DNAH9: variants seen among roughly 807,000 people sequenced by gnomAD.
The protein encoded by DNAH9 is DNAH9 variant protein.
A neutral mutation model predicts 471.6 loss-of-function variants in DNAH9; 345 were observed. That is an observed-to-expected ratio of 0.73 (90% confidence interval 0.67 to 0.80). The LOEUF is 0.80. Among genes scored for constraint, DNAH9 ranks in the 30% least tolerant of loss-of-function variants. DNAH9 has a pLI of 0.00. For synonymous variants in DNAH9, 2,093 were observed against 2,123.6 expected, an observed-to-expected ratio of 0.99 and a Z score of 0.40; for missense variants, 5,407 against 5,609.2, an observed-to-expected ratio of 0.96 and a Z score of 1.15.
chr17:11,808,267 G>A (rs534087370), intron 44 of DNAH9, among the ~76,000 whole-genome samples: 4 of 152,132 alleles, frequency 2.6e-5, no homozygotes, highest in South Asian at 2.1e-4. Flanking sequence ...TTTAAAAGAC[G>A]GGTCAGTAAC....
chr17:11,730,443 G>A (rs1367870804), intron 28 of DNAH9, among the ~76,000 whole-genome samples: 10 of 152,246 alleles, frequency 6.6e-5, no homozygotes, highest in East Asian at 3.9e-4. Flanking sequence ...AAGAGAGACC[G>A]GACATCCAGA....
At chr17:11,957,616 CAA>C (rs1216026512) in intron 67 of DNAH9, among the ~76,000 whole-genome samples, 1 of 100,430 alleles carries the variant, frequency 1.0e-5, no homozygotes, top group African/African-American at 3.1e-5. Flanking sequence ...TGGATGCAGA[CAA>C]AACAACAACA....
intron 1 of DNAH9, among the ~76,000 whole-genome samples, chr17:11,603,959 C>T (rs906006068): frequency 3.3e-5 from 5 of 152,100 alleles, no homozygotes; most frequent in East Asian, 1.9e-4. Flanking sequence ...CTCCAGGAAC[C>T]AGTCTTCTGG....
At chr17:11,903,156 T>C (rs1166790628) in intron 60 of DNAH9, among the ~76,000 whole-genome samples, 2 of 152,028 alleles carry the variant, frequency 1.3e-5, no homozygotes, top group Admixed American at 1.3e-4. Flanking sequence ...CTGGCCAAGA[T>C]GGTGAAACCC....
intron 66 of DNAH9, among the ~76,000 whole-genome samples, chr17:11,939,432 A>G (rs1035821620): frequency 1.3e-5 from 2 of 152,188 alleles, no homozygotes; most frequent in Non-Finnish European, 2.9e-5. Context: ...TATTTCAGAA[A>G]TGATATGAAC....
chr17:11,842,507 T>C (rs1355283877), intron 49 of DNAH9, among the ~76,000 whole-genome samples: 2 of 152,156 alleles, frequency 1.3e-5, no homozygotes, highest in Non-Finnish European at 2.9e-5. Context: ...ATCTGCAAGC[T>C]GGGGATCAAG....
At chr17:11,781,849 A>G (rs201199825) in intron 39 of DNAH9, among the ~76,000 whole-genome samples, 1 of 142,168 alleles carries the variant, frequency 7.0e-6, no homozygotes, top group Non-Finnish European at 1.5e-5. Context: ...AAAAACAAAC[A>G]AAAAAAAAAC....
At chr17:11,950,158 A>C (rs1225395631) in intron 67 of DNAH9, among the ~76,000 whole-genome samples, 1 of 152,208 alleles carries the variant, frequency 6.6e-6, no homozygotes, top group African/African-American at 2.4e-5. Context: ...CCTCAAAGAC[A>C]AATTATCCTT....
chr17:11,669,718 A>G lies in DNAH9; in HGVS notation c.3277A>G (p.Lys1093Glu), dbSNP rs1196721001. Residue 1093 changes from lysine to glutamate, a missense_variant, in exon 17 of 69, where the codon AAG (lysine) becomes GAG (glutamate). By Grantham distance (56) the Lys-to-Glu change is moderately conservative. Coordinates refer to ENST00000262442, the MANE Select transcript of DNAH9 (RefSeq NM_001372.4). ...GWMKIDIRPF[K>E]ASLLNIIKRW... is the part of the protein sequence containing the mutation. ...GATGAAAATTGATATTCGACCCTTT[A>G]AGGCATCTCTGCTGAATATTATTAA... 3 of 1,614,110 alleles carry G rather than the reference A, an allele frequency of 1.9e-6. No individual in the cohort carries two copies. Among genetic ancestry groups the G allele is most frequent in the Non-Finnish European group, 2.5e-6 (3 of 1,179,970 alleles).
intron 26 of DNAH9, among the ~76,000 whole-genome samples, chr17:11,715,834 C>T (rs2074950283): frequency 6.6e-6 from 1 of 152,098 alleles, no homozygotes; most frequent in Non-Finnish European, 1.5e-5. Context: ...AAGTTTCGAA[C>T]TCATTTTGTC....
chr17:11,945,964 C>T (rs958353163), intron 67 of DNAH9, among the ~76,000 whole-genome samples: 10 of 151,764 alleles, frequency 6.6e-5, no homozygotes, highest in South Asian at 2.1e-4. Context: ...TTTGGGAGGC[C>T]GAGGTGGGCG....
At position 11,930,041 on chromosome 17, in the gene DNAH9, C is replaced by CCCACAATG; in HGVS notation, c.12055_12056insACAATGCC (p.Pro4019HisfsTer72). 1 of 1,614,126 alleles carries CCCACAATG rather than the reference C, an allele frequency of 6.2e-7. No individual in the cohort carries two copies. The highest frequency in any genetic ancestry group is 8.5e-7 in the Non-Finnish European group (1 of 1,180,032). On this transcript the variant is annotated frameshift_variant, in exon 63 of 69. Coordinates refer to ENST00000262442, the MANE Select transcript of DNAH9 (RefSeq NM_001372.4). LOFTEE classifies it high-confidence loss of function. ...AACTCCATTAAGATCACCAATGAGC[C>CCCACAATG]CCCCACGGGCATGCATGCCAACCTG...
chr17:11,676,131 G>C (rs1000399444), intron 17 of DNAH9, among the ~76,000 whole-genome samples: 9 of 151,848 alleles, frequency 5.9e-5, no homozygotes, highest in African/African-American at 2.2e-4. Context: ...CTATTCCTTC[G>C]TAAGTCACTT....
chr17:11,944,834 CAA>C (rs1975056858), intron 67 of DNAH9, among the ~76,000 whole-genome samples: 1 of 152,074 alleles, frequency 6.6e-6, no homozygotes, highest in East Asian at 1.9e-4. Context: ...TATGATGACT[CAA>C]GTTTGGGAAG....
intron 15 of DNAH9, among the ~76,000 whole-genome samples, chr17:11,668,670 A>G (rs2150726687): frequency 6.7e-6 from 1 of 149,808 alleles, no homozygotes; most frequent in African/African-American, 2.5e-5. Flanking sequence ...ATCTCAAAAA[A>G]AAAAAAAAAA....
At chr17:11,646,654 G>A (rs992115889) in intron 11 of DNAH9, among the ~76,000 whole-genome samples, 4 of 152,004 alleles carry the variant, frequency 2.6e-5, no homozygotes, top group South Asian at 2.1e-4. Flanking sequence ...TGGCTCAAGC[G>A]TGTAATCCCA....
At position 11,942,404 on chromosome 17, in the gene DNAH9, T is replaced by C; in HGVS notation, c.12762T>C (p.Val4254=). 1 of 1,614,204 alleles carries C rather than the reference T, an allele frequency of 6.2e-7. No individual in the cohort carries two copies. Among genetic ancestry groups the C allele is most frequent in the Non-Finnish European group, 8.5e-7 (1 of 1,180,038 alleles). ...AGGAGCGCACCCCTTACATTGTAGT[T>C]GCCTTCCAGGAGTGTGGCCGGATGA... ...KVEERTPYIV[V]AFQECGRMNI... The change falls in exon 67 of 69, where the codon GTT becomes GTC. Residue 4254 remains valine (V), a synonymous_variant. Coordinates refer to ENST00000262442, the MANE Select transcript of DNAH9 (RefSeq NM_001372.4).
intron 17 of DNAH9, among the ~76,000 whole-genome samples, chr17:11,672,726 CT>C (rs1567708694): frequency 2.0e-5 from 3 of 152,232 alleles, no homozygotes. Context: ...CGTTGACCTC[CT>C]CCCTCCAACG....
At chr17:11,706,509 G>A (rs182660363) in intron 26 of DNAH9, among the ~76,000 whole-genome samples, 90 of 152,132 alleles carry the variant, frequency 5.9e-4, no homozygotes, top group Non-Finnish European at 1.1e-3. Context: ...AATAAGGTAC[G>A]AGGCCATATG....
Sources: allele counts gnomAD v4.1 joint callset (sites outside exome capture counted in the v4.1 genomes callset), GRCh38; gene constraint gnomAD v4.1.1; transcripts MANE v1.5; gene names NCBI Gene and HGNC (gene_info 2026-07-23, HGNC 2026-07-21).